SUCLG2: variants seen among roughly 807,000 people sequenced by gnomAD.
The protein encoded by SUCLG2 is succinate-CoA ligase GDP-forming subunit beta.
Under a neutral mutation model 47.9 loss-of-function variants are expected in SUCLG2, and 42 were observed. The ratio of observed to expected loss-of-function variants is 0.88; its 90% confidence interval spans 0.69 to 1.14. The LOEUF (loss-of-function observed/expected upper bound fraction) is 1.14. Ranked by LOEUF, SUCLG2 falls within the 50% of genes most tolerant of loss-of-function variation. SUCLG2 has a pLI of 0.00. For missense variants in SUCLG2, 571 were observed against 525.9 expected, an observed-to-expected ratio of 1.09 and a Z score of -0.84; for synonymous variants, 195 against 197.3, an observed-to-expected ratio of 0.99 and a Z score of 0.10.
At chr3:67,453,522 C>T (rs1575706422) in intron 9 of SUCLG2, among the ~76,000 whole-genome samples, 1 of 152,140 alleles carries the variant, frequency 6.6e-6, no homozygotes, top group African/African-American at 2.4e-5. Context: ...TAATCAACTG[C>T]TAAAGGCCCC....
At chr3:67,504,481 C>T (rs752193691) in intron 7 of SUCLG2, among the ~76,000 whole-genome samples, 1 of 152,222 alleles carries the variant, frequency 6.6e-6, no homozygotes, top group Non-Finnish European at 1.5e-5. Context: ...ATAGTCACTG[C>T]TTCAAATTGG....
intron 9 of SUCLG2, among the ~76,000 whole-genome samples, chr3:67,471,302 A>G (rs922240812): frequency 6.6e-6 from 1 of 152,194 alleles, no homozygotes; most frequent in Non-Finnish European, 1.5e-5. Context: ...GTACAAGCAA[A>G]GTGAGGCTAG....
chr3:67,535,173 T>C (rs1706506148), intron 2 of SUCLG2, among the ~76,000 whole-genome samples: 1 of 151,744 alleles, frequency 6.6e-6, no homozygotes, highest in African/African-American at 2.4e-5. Flanking sequence ...AAAAAAATCA[T>C]GTCTCCCCCT....
Position 67,497,983 on chromosome 3 carries a change from T to A in SUCLG2, c.919+151A>T, listed in dbSNP as rs926887397. On this transcript the variant is annotated intron_variant, in intron 8 of 10. Coordinates refer to ENST00000307227, the MANE Select transcript of SUCLG2 (RefSeq NM_003848.4). ...CAGTGACCATTAATCAAAACAACTT[T>A]GAGAAGAAACTTGGATACTTTCCTA... 8.9e-6 allele frequency: 7 copies of A among 786,002 alleles called. No homozygotes were observed. The African/African-American group carries it at 1.2e-4, about 14-fold the overall frequency. The allele number at this position is 786,002 out of a possible 1,614,324, so 48.7% of individuals were successfully genotyped here.
At chr3:67,641,634 A>G (rs1382562893) in intron 1 of SUCLG2, among the ~76,000 whole-genome samples, 2 of 152,214 alleles carry the variant, frequency 1.3e-5, no homozygotes, top group African/African-American at 2.4e-5. Context: ...CATTCTTCAC[A>G]AATGTACAGA....
intron 9 of SUCLG2, among the ~76,000 whole-genome samples, chr3:67,467,272 A>C (rs1215820801): frequency 6.6e-6 from 1 of 152,238 alleles, no homozygotes; most frequent in African/African-American, 2.4e-5. Context: ...CTCATACATC[A>C]AAACAGCAGC....
At chr3:67,440,483 T>A (rs1292855670) in intron 9 of SUCLG2, among the ~76,000 whole-genome samples, 1 of 152,110 alleles carries the variant, frequency 6.6e-6, no homozygotes, top group Non-Finnish European at 1.5e-5. Flanking sequence ...AATCTACCCA[T>A]ATGACAAAGG....
At chr3:67,513,859 T>G (rs1174539700) in intron 6 of SUCLG2, 1 of 152,362 alleles carries the variant, frequency 6.6e-6, no homozygotes, top group Non-Finnish European at 1.5e-5. Flanking sequence ...TTTATAAAAA[T>G]CTTTAAAAAT....
At chr3:67,480,525 G>A (rs1328062833) in intron 9 of SUCLG2, among the ~76,000 whole-genome samples, 1 of 152,188 alleles carries the variant, frequency 6.6e-6, no homozygotes, top group African/African-American at 2.4e-5. Context: ...TAAGCCCTAT[G>A]ATGGCAGGAG....
At chr3:67,531,767 T>C (rs1417163595) in intron 2 of SUCLG2, among the ~76,000 whole-genome samples, 2 of 152,166 alleles carry the variant, frequency 1.3e-5, no homozygotes, top group Non-Finnish European at 2.9e-5. Flanking sequence ...AAAGCAAGTT[T>C]TTCTCATCTT....
rs564932011 is a variant in SUCLG2 at position 67,419,427 on chromosome 3, C to CTCTGA, written c.1063-18577_1063-18576insTCAGA. 7.1e-3 allele frequency among the ~76,000 whole-genome samples: 1,087 copies of CTCTGA among 152,246 alleles called. 9 individuals carry two copies. The highest frequency in any genetic ancestry group is 0.025 in the African/African-American group (1,040 of 41,534). ...TGAATCAGAATGTCTAATTGTCTGACTCTGGCTCTGAGAAATGTAACTAAA... is the reference window on the plus strand; with the variant it reads ...TGAATCAGAATGTCTAATTGTCTGACTCTGATCTGGCTCTGAGAAATGTAACTAAA... On this transcript the variant is annotated intron_variant, in intron 9 of 10. Coordinates refer to ENST00000307227, the MANE Select transcript of SUCLG2 (RefSeq NM_003848.4).
intron 9 of SUCLG2, among the ~76,000 whole-genome samples, chr3:67,485,531 T>C (rs1705028160): frequency 6.6e-6 from 1 of 152,128 alleles, no homozygotes; most frequent in South Asian, 2.1e-4. Context: ...GCTAGGAAAA[T>C]GATGATCAAG....
chr3:67,560,224 C>T (rs1352290035), intron 2 of SUCLG2, among the ~76,000 whole-genome samples: 1 of 152,078 alleles, frequency 6.6e-6, no homozygotes, highest in Non-Finnish European at 1.5e-5. Flanking sequence ...GCTAAAATGG[C>T]ATCATTAGGG....
chr3:67,589,797 G>A (rs1226467161), intron 2 of SUCLG2, among the ~76,000 whole-genome samples: 1 of 152,206 alleles, frequency 6.6e-6, no homozygotes, highest in East Asian at 1.9e-4. Context: ...GGGGCGGAAA[G>A]AGGAACCACA....
chr3:67,472,214 C>T (rs937457918), intron 9 of SUCLG2, among the ~76,000 whole-genome samples: 1 of 152,086 alleles, frequency 6.6e-6, no homozygotes. Flanking sequence ...TTCATTTATT[C>T]TATACATGGA....
chr3:67,428,098 T>C (rs1292360220), intron 9 of SUCLG2, among the ~76,000 whole-genome samples: 1 of 151,964 alleles, frequency 6.6e-6, no homozygotes, highest in Non-Finnish European at 1.5e-5. Flanking sequence ...CCCTAGTGGT[T>C]CTCCCAGCAC....
chr3:67,503,958 AAGAAGAATACATTTCAG>A (rs1705570636), intron 7 of SUCLG2, among the ~76,000 whole-genome samples: 1 of 152,222 alleles, frequency 6.6e-6, no homozygotes, highest in African/African-American at 2.4e-5. Flanking sequence ...AATTAAACAA[AAGAAGAATACATTTCAG>A]AGGGGAAACT....
At chr3:67,388,457 A>G (rs548338525) in intron 10 of SUCLG2, among the ~76,000 whole-genome samples, 1 of 152,322 alleles carries the variant, frequency 6.6e-6, no homozygotes. Context: ...ACTCACTAAT[A>G]TTCATATGTG....
chr3:67,398,342 C>T (rs1489192622), intron 10 of SUCLG2, among the ~76,000 whole-genome samples: 2 of 151,050 alleles, frequency 1.3e-5, no homozygotes, highest in Non-Finnish European at 3.0e-5. Context: ...CAAACAACCC[C>T]ATCAAAAAGT....
Sources: allele counts gnomAD v4.1 joint callset (sites outside exome capture counted in the v4.1 genomes callset), GRCh38; gene constraint gnomAD v4.1.1; transcripts MANE v1.5; gene names NCBI Gene and HGNC (gene_info 2026-07-23, HGNC 2026-07-21).